The following SDC3 variants were observed in gnomAD, a reference collection of about 807,000 sequenced individuals.
The protein encoded by SDC3 is syndecan 3, also known as syndecan-3.
In SDC3, 13 loss-of-function variants were observed where a neutral mutation model predicts 24.4. That is an observed-to-expected ratio of 0.53 (90% CI 0.35 to 0.85). SDC3 has a LOEUF of 0.85. Among genes scored for constraint, SDC3 ranks in the 40% least tolerant of loss-of-function variants. The pLI is 0.01. For synonymous variants in SDC3, 295 were observed against 260.9 expected, an observed-to-expected ratio of 1.13 and a Z score of -1.26; for missense variants, 571 against 584.5, an observed-to-expected ratio of 0.98 and a Z score of 0.24.
intron 1 of SDC3, among the ~76,000 whole-genome samples, chr1:30,898,404 G>A (rs1396270439): frequency 6.6e-6 from 1 of 152,140 alleles, no homozygotes; most frequent in East Asian, 1.9e-4. Context: ...GCTTCCTAAT[G>A]TCAGGGACCA....
chr1:30,894,883 G>A (rs975662824), intron 1 of SDC3, among the ~76,000 whole-genome samples: 1 of 152,022 alleles, frequency 6.6e-6, no homozygotes, highest in Admixed American at 6.6e-5. Flanking sequence ...GGGTCTGAGT[G>A]TGTCCATGTT....
intron 1 of SDC3, among the ~76,000 whole-genome samples, chr1:30,897,546 C>A (rs1322880774): frequency 6.6e-6 from 1 of 152,182 alleles, no homozygotes; most frequent in Non-Finnish European, 1.5e-5. Context: ...AGCCCAAAGT[C>A]CCAAGAAAGG....
chr1:30,891,609 G>A (rs1639905058), intron 1 of SDC3, among the ~76,000 whole-genome samples: 1 of 152,078 alleles, frequency 6.6e-6, no homozygotes, highest in Non-Finnish European at 1.5e-5. Flanking sequence ...CAGGAGCAGT[G>A]GCTCACACCT....
At chr1:30,906,899 A>C (rs1437019424) in intron 1 of SDC3, among the ~76,000 whole-genome samples, 1 of 151,980 alleles carries the variant, frequency 6.6e-6, no homozygotes, top group African/African-American at 2.4e-5. Flanking sequence ...TCTTCCTCTC[A>C]CCCCACTTAG....
At chr1:30,881,712 G>A (rs1639748068) in intron 1 of SDC3, among the ~76,000 whole-genome samples, 1 of 152,196 alleles carries the variant, frequency 6.6e-6, no homozygotes. Context: ...CAGGCCAGGT[G>A]CTGGGAGCAT....
Position 30,870,020 on chromosome 1 carries a change from A to G in SDC3, c.*3191T>C. 2.5e-6 allele frequency: 1 copy of G among 397,570 alleles called. No individual in the cohort carries two copies. 24.6% of individuals were successfully genotyped at this position (397,570 alleles called of 1,614,324 possible). On this transcript the variant is annotated 3_prime_UTR_variant, in exon 5 of 5. Transcript: ENST00000339394. Reference sequence around the variant, plus strand: ...GTACAGTTTGCGGGCTTCTATTTACAGGCAAGAGGCCTGGGGAGGCAAGTC... The same window carrying G: ...GTACAGTTTGCGGGCTTCTATTTACGGGCAAGAGGCCTGGGGAGGCAAGTC...
At chr1:30,890,775 C>T (rs1037592187) in intron 1 of SDC3, among the ~76,000 whole-genome samples, 1 of 152,178 alleles carries the variant, frequency 6.6e-6, no homozygotes, top group African/African-American at 2.4e-5. Flanking sequence ...CATTCCTTAT[C>T]CTGACAACAC....
chr1:30,893,021 C>G (rs906716683), intron 1 of SDC3, among the ~76,000 whole-genome samples: 2 of 152,198 alleles, frequency 1.3e-5, no homozygotes, highest in Non-Finnish European at 2.9e-5. Flanking sequence ...AAAGGCCAGC[C>G]CAACAGCCAA....
In SDC3 at chr1:30,876,979, A is replaced by T. The variant is rs150946427; in HGVS notation, c.443T>A (p.Val148Asp). The change falls in exon 3 of 5, where the codon GTC becomes GAC. Residue 148 changes from valine to aspartate, a missense_variant. Val to Asp is a radical substitution (Grantham distance 152, BLOSUM62 -3). Transcript: ENST00000339394. Reference protein sequence around the residue: ...PATSPLVVTEVPEEPSQRATT... With the variant: ...PATSPLVVTEDPEEPSQRATT... ...GGCTCTCTGGCTGGGCTCTTCCGGGACTTCTGTCACCACCAGGGGGCTGGT... is the reference window on the plus strand; with the variant it reads ...GGCTCTCTGGCTGGGCTCTTCCGGGTCTTCTGTCACCACCAGGGGGCTGGT... 6 of 1,613,204 alleles carry T rather than the reference A, an allele frequency of 3.7e-6. No individual in the cohort carries two copies. The highest frequency in any genetic ancestry group is 5.1e-6 in the Non-Finnish European group (6 of 1,179,858).
At chr1:30,899,935 A>G (rs1638379664) in intron 1 of SDC3, among the ~76,000 whole-genome samples, 1 of 152,242 alleles carries the variant, frequency 6.6e-6, no homozygotes, top group East Asian at 1.9e-4. Flanking sequence ...AACGCAGTCA[A>G]TCAAGACAGG....
At position 30,908,692 on chromosome 1, in the gene SDC3, C is replaced by T. The variant is rs1638585464; in HGVS notation, c.-106G>A. 1 of 323,750 alleles carries T rather than the reference C, an allele frequency of 3.1e-6. No individual in the cohort carries two copies. Among genetic ancestry groups the T allele is most frequent in the Non-Finnish European group, 4.4e-6 (1 of 228,454 alleles). 20.1% of individuals were successfully genotyped at this position (323,750 alleles called of 1,614,324 possible). A position where few individuals can be genotyped will look rare whatever the true frequency, so the allele number is the denominator to read the frequency against. On this transcript the variant is annotated 5_prime_UTR_variant, in exon 1 of 5. Coordinates refer to ENST00000339394, the MANE Select transcript of SDC3 (RefSeq NM_014654.4). Reference sequence around the variant, plus strand: ...CGGCGGCGCGGCCCGGCGGCTGGACCGACGCGCTCTAGGCTCGCGGGCTCC... The same window carrying T: ...CGGCGGCGCGGCCCGGCGGCTGGACTGACGCGCTCTAGGCTCGCGGGCTCC...
chr1:30,903,152 G>A (rs1242263154), intron 1 of SDC3, among the ~76,000 whole-genome samples: 1 of 152,180 alleles, frequency 6.6e-6, no homozygotes, highest in African/African-American at 2.4e-5. Flanking sequence ...AGGCCAGAGA[G>A]AATCTTGGCT....
intron 1 of SDC3, chr1:30,881,509 C>G (rs568247973): frequency 6.6e-6 from 1 of 152,532 alleles, no homozygotes; most frequent in Admixed American, 6.5e-5. Context: ...GGCTGCACCC[C>G]CCACACACAG....
chr1:30,885,302 C>G lies in SDC3; in HGVS notation c.139-6562G>C, dbSNP rs868030000. On this transcript the variant is annotated intron_variant, in intron 1 of 4. Transcript: ENST00000339394. ...AATAGGTTACAAAAAATATGTAGAA[C>G]TTGATCCTGTTTTAATGAACTCACT... Among the ~76,000 whole-genome samples, 22 of 151,144 alleles carry G rather than the reference C, an allele frequency of 1.5e-4. No individual in the cohort carries two copies. In the Middle Eastern group the frequency reaches 0.014, roughly 94 times the overall value.
chr1:30,899,528 C>T (rs1570027176), intron 1 of SDC3, among the ~76,000 whole-genome samples: 2 of 152,254 alleles, frequency 1.3e-5, no homozygotes, highest in Middle Eastern at 3.4e-3. Flanking sequence ...CACCTGCCAC[C>T]GCCTGGCTAA....
intron 1 of SDC3, among the ~76,000 whole-genome samples, chr1:30,893,803 C>A (rs1639942595): frequency 6.6e-6 from 1 of 152,148 alleles, no homozygotes; most frequent in South Asian, 2.1e-4. Context: ...TCCTCAGGGG[C>A]ACAGCCACAC....
At chr1:30,887,399 T>C (rs778972000) in intron 1 of SDC3, among the ~76,000 whole-genome samples, 4 of 152,018 alleles carry the variant, frequency 2.6e-5, no homozygotes, top group Non-Finnish European at 5.9e-5. Flanking sequence ...CCTCGCTCTG[T>C]CCTCCTATGA....
At chr1:30,908,827 C>CG (rs199564201), upstream of SDC3, 146,113 of 146,166 alleles carry the variant, frequency 1, 73,030 homozygotes, top group Middle Eastern at 1. Context: ...GCGGGCGGAA[C>CG]GGAGGAGGGG....
In SDC3 at chr1:30,877,095, G is replaced by C. The variant is rs757534300; in HGVS notation, c.327C>G (p.Thr109=). The C allele has an allele frequency of 1.3e-5, 21 of 1,613,894 alleles. No individual in the cohort carries two copies. The highest frequency in any genetic ancestry group is 1.8e-5 in the Non-Finnish European group (21 of 1,179,982). ...FSPDVALAVS[T]TPAVLPTTNI... ...TCGTGGTGGGCAGCACCGCAGGTGT[G>C]GTGGACACCGCCAGGGCTACATCTG... The change falls in exon 3 of 5, where the codon ACC becomes ACG. Residue 109 remains threonine (T), a synonymous_variant. Transcript: ENST00000339394.
Sources: gnomAD v4.1 joint callset for allele counts (sites outside exome capture counted in the v4.1 genomes callset) on GRCh38, gnomAD v4.1.1 for gene constraint, MANE v1.5 for transcripts, NCBI Gene and HGNC (gene_info 2026-07-23, HGNC 2026-07-21) for gene names.